The following GRM8 variants were observed in gnomAD, a reference collection of about 807,000 sequenced individuals.
The protein encoded by GRM8 is glutamate metabotropic receptor 8.
GRM8 carries 47 observed loss-of-function variants against 87.2 expected under a neutral mutation model. The observed-to-expected ratio is 0.54, with a 90% CI of 0.43 to 0.69. GRM8 has a LOEUF of 0.69. Ranked by LOEUF, GRM8 falls within the 30% of genes least tolerant of loss-of-function variation. The pLI, the probability that GRM8 is intolerant of heterozygous loss-of-function variation, is 0.00. For synonymous variants in GRM8, 396 were observed against 404.5 expected (o/e 0.98, Z 0.25); for missense variants, 1,019 against 1,139.2 (o/e 0.89, Z 1.52).
At chr7:126,501,383 G>A (rs1809621528) in intron 9 of GRM8, among the ~76,000 whole-genome samples, 2 of 151,980 alleles carry the variant, frequency 1.3e-5, no homozygotes, top group South Asian at 2.1e-4. Context: ...GGAAACAAAT[G>A]TGTTCATCAC....
intron 6 of GRM8, among the ~76,000 whole-genome samples, chr7:126,862,452 A>G (rs1447942650): frequency 1.3e-5 from 2 of 151,996 alleles, no homozygotes; most frequent in Admixed American, 6.6e-5. Context: ...TTACTTCTAA[A>G]ATCTGTCAGT....
At chr7:127,110,714 A>T (rs1042529027) in intron 2 of GRM8, among the ~76,000 whole-genome samples, 1 of 152,152 alleles carries the variant, frequency 6.6e-6, no homozygotes, top group African/African-American at 2.4e-5. Flanking sequence ...CAGCCCACAG[A>T]AGAGGAGATT....
At chr7:126,913,193 A>G (rs1335443638) in intron 3 of GRM8, among the ~76,000 whole-genome samples, 1 of 152,240 alleles carries the variant, frequency 6.6e-6, no homozygotes, top group Non-Finnish European at 1.5e-5. Flanking sequence ...AGCTGTGTAT[A>G]GAATACTAAG....
At chr7:127,010,416 G>A (rs896021006) in intron 3 of GRM8, among the ~76,000 whole-genome samples, 1 of 152,068 alleles carries the variant, frequency 6.6e-6, no homozygotes, top group Non-Finnish European at 1.5e-5. Context: ...CCGTACAGGT[G>A]GTAAGCAAGT....
intron 2 of GRM8, among the ~76,000 whole-genome samples, chr7:127,197,864 C>T (rs1336384854): frequency 1.3e-5 from 2 of 152,164 alleles, no homozygotes; most frequent in Non-Finnish European, 2.9e-5. Flanking sequence ...ACTCTATAAA[C>T]TTACCTCCTC....
intron 7 of GRM8, among the ~76,000 whole-genome samples, chr7:126,678,195 T>A (rs1311882614): frequency 6.6e-6 from 1 of 152,248 alleles, no homozygotes; most frequent in Non-Finnish European, 1.5e-5. Context: ...TTTGTAAACT[T>A]CTTCTGAAGG....
At chr7:126,971,157 TAAAAAAA>T (rs71177581) in intron 3 of GRM8, among the ~76,000 whole-genome samples, 3,110 of 100,270 alleles carry the variant, frequency 0.031, 69 homozygotes, top group African/African-American at 0.067. Context: ...TTTCAATTTG[TAAAAAAA>T]AAAAAAAAAA....
rs117921536 is a variant in GRM8, at chr7:126,754,739, A to G, written c.1357+15126T>C. Reference sequence around the variant, plus strand: ...TGTAAACTTAAAAGCTGTTGTTATTATAAATTCACTTTCTAGTTAGACCTG... The same window carrying G: ...TGTAAACTTAAAAGCTGTTGTTATTGTAAATTCACTTTCTAGTTAGACCTG... On this transcript the variant is annotated intron_variant, in intron 7 of 10. Coordinates refer to ENST00000339582, the MANE Select transcript of GRM8 (RefSeq NM_000845.3). Among the ~76,000 whole-genome samples the G allele has an allele frequency of 2.7e-4, 41 of 152,054 alleles. No homozygotes were observed. In the East Asian group the frequency reaches 2.7e-3, roughly 10 times the overall value.
chr7:127,185,397 T>A (rs1196657793), intron 2 of GRM8, among the ~76,000 whole-genome samples: 1 of 152,082 alleles, frequency 6.6e-6, no homozygotes, highest in Non-Finnish European at 1.5e-5. Context: ...ATGGGAATAT[T>A]TGGATGTTTA....
chr7:126,959,610 G>A (rs1195923096), intron 3 of GRM8, among the ~76,000 whole-genome samples: 1 of 151,972 alleles, frequency 6.6e-6, no homozygotes, highest in Non-Finnish European at 1.5e-5. Flanking sequence ...ACCTTCAAGG[G>A]AAAAAAATCT....
intron 2 of GRM8, among the ~76,000 whole-genome samples, chr7:127,235,129 T>C (rs1015219630): frequency 1.3e-5 from 2 of 152,216 alleles, no homozygotes; most frequent in African/African-American, 4.8e-5. Flanking sequence ...TCTCACTACT[T>C]TTCAAACAAC....
intron 7 of GRM8, among the ~76,000 whole-genome samples, chr7:126,711,778 C>T (rs182360886): frequency 3.9e-5 from 6 of 152,336 alleles, no homozygotes; most frequent in Admixed American, 3.9e-4. Context: ...TCACCTTGCA[C>T]TTTTATGTTA....
chr7:126,885,410 C>T (rs1800394527), intron 6 of GRM8, among the ~76,000 whole-genome samples: 1 of 152,148 alleles, frequency 6.6e-6, no homozygotes, highest in South Asian at 2.1e-4. Context: ...CTATCACCAT[C>T]AAAGGGGAGT....
rs144031331 is a variant in GRM8 at position 126,449,411 on chromosome 7, C to A, written c.2431-3039G>T. Among the ~76,000 whole-genome samples the A allele has an allele frequency of 9.0e-3, 1,372 of 151,920 alleles. 19 individuals are homozygous for A. The highest frequency in any genetic ancestry group is 0.031 in the African/African-American group (1,280 of 41,488). On this transcript the variant is annotated intron_variant, in intron 9 of 10. Transcript: ENST00000339582. Reference sequence around the variant, plus strand: ...GGGTAGCATGATATATTTATAAAATCTCTTACAGATACAAGATAGCTCAAG... The same window carrying A: ...GGGTAGCATGATATATTTATAAAATATCTTACAGATACAAGATAGCTCAAG...
At chr7:126,543,172 T>A (rs1314669159) in intron 8 of GRM8, among the ~76,000 whole-genome samples, 3 of 152,236 alleles carry the variant, frequency 2.0e-5, no homozygotes, top group Non-Finnish European at 4.4e-5. Flanking sequence ...TTCCATGGAC[T>A]TTTACAGTAC....
At chr7:126,479,470 T>C (rs928829717) in intron 9 of GRM8, among the ~76,000 whole-genome samples, 1 of 152,112 alleles carries the variant, frequency 6.6e-6, no homozygotes, top group Non-Finnish European at 1.5e-5. Context: ...AATAGCCTCA[T>C]ACTATATGCA....
At chr7:126,825,085 C>T (rs543558518) in intron 6 of GRM8, among the ~76,000 whole-genome samples, 6 of 152,034 alleles carry the variant, frequency 3.9e-5, no homozygotes, top group African/African-American at 1.2e-4. Context: ...TTGTTTTTTT[C>T]GAGACACAGT....
intron 2 of GRM8, among the ~76,000 whole-genome samples, chr7:127,164,460 C>G (rs1175103895): frequency 6.6e-6 from 1 of 152,136 alleles, no homozygotes; most frequent in Admixed American, 6.5e-5. Context: ...TGGGACTAGA[C>G]AGTAAAATCT....
intron 7 of GRM8, among the ~76,000 whole-genome samples, chr7:126,641,473 C>G (rs78239617): frequency 0.13 from 19,638 of 152,138 alleles, 1,677 homozygotes; most frequent in Non-Finnish European, 0.17. Context: ...TAGTATGTGA[C>G]ATGGAGTAAG....
Sources: allele counts gnomAD v4.1 joint callset (sites outside exome capture counted in the v4.1 genomes callset), GRCh38; gene constraint gnomAD v4.1.1; transcripts MANE v1.5; gene names NCBI Gene and HGNC (gene_info 2026-07-23, HGNC 2026-07-21).